Variants in PRDM16 observed in about 807,000 individuals in gnomAD.
The protein encoded by PRDM16 is histone-lysine N-methyltransferase PRDM16.
A neutral mutation model predicts 110.6 loss-of-function variants in PRDM16; 23 were observed. That is an observed-to-expected ratio of 0.21 (90% confidence interval 0.15 to 0.29). PRDM16 has a LOEUF of 0.29. Among genes scored for constraint, PRDM16 ranks in the 10% least tolerant of loss-of-function variants. The probability of loss-of-function intolerance (pLI) is 1.00; values close to 1 mark genes in which losing one functional copy is unlikely to be tolerated. For missense variants in PRDM16, 1,615 were observed against 1,794.3 expected (o/e 0.90, Z 1.81); for synonymous variants, 799 against 781.8 (o/e 1.02, Z -0.37).
At chr1:3,118,118 TGC>T (rs1362463673) in intron 1 of PRDM16, among the ~76,000 whole-genome samples, 18 of 150,770 alleles carry the variant, frequency 1.2e-4, no homozygotes, top group African/African-American at 4.2e-4. Flanking sequence ...TGTGTGCGTG[TGC>T]GTGTGTGCGT....
intron 3 of PRDM16, among the ~76,000 whole-genome samples, chr1:3,364,528 C>T (rs777026323): frequency 1.7e-4 from 26 of 152,316 alleles, no homozygotes; most frequent in Non-Finnish European, 3.5e-4. Context: ...TCCACTGAGC[C>T]GTCCACATCC....
intron 3 of PRDM16, among the ~76,000 whole-genome samples, chr1:3,268,109 T>C (rs1465256091): frequency 6.6e-6 from 1 of 152,072 alleles, no homozygotes; most frequent in African/African-American, 2.4e-5. Context: ...TGCACACACG[T>C]GGGAGCGTAC....
At chr1:3,325,581 C>T (rs985050068) in intron 3 of PRDM16, among the ~76,000 whole-genome samples, 1 of 152,206 alleles carries the variant, frequency 6.6e-6, no homozygotes, top group African/African-American at 2.4e-5. Context: ...AACAAAGTAC[C>T]AGAAACTAGG....
Position 3,283,891 on chromosome 1 carries a change from G to C in PRDM16, c.438+39754G>C, listed in dbSNP as rs927948680. Among the ~76,000 whole-genome samples, 5 of 152,270 alleles carry C rather than the reference G, an allele frequency of 3.3e-5. No homozygotes were observed. In the East Asian group the frequency reaches 9.6e-4, roughly 29 times the overall value. On this transcript the variant is annotated intron_variant, in intron 3 of 16. Transcript: ENST00000270722. Reference sequence around the variant, plus strand: ...AGCTAAGAGGTTAGGATCTGCAGGAGCCCAGGTGCCTCCGCGGGAGGAATG... The same window carrying C: ...AGCTAAGAGGTTAGGATCTGCAGGACCCCAGGTGCCTCCGCGGGAGGAATG...
chr1:3,242,648 G>A (rs1639701852), intron 2 of PRDM16, among the ~76,000 whole-genome samples: 1 of 152,238 alleles, frequency 6.6e-6, no homozygotes, highest in African/African-American at 2.4e-5. Flanking sequence ...CATTAGCGCA[G>A]GGTGACCCGG....
rs535306609 is a variant in PRDM16 at position 3,369,142 on chromosome 1, T to C, written c.439-16010T>C. Among the ~76,000 whole-genome samples, 5 of 152,294 alleles carry C rather than the reference T, an allele frequency of 3.3e-5. 1 individual carries two copies. The highest frequency in any genetic ancestry group is 1.2e-4 in the African/African-American group (5 of 41,562). ...CTCTTAATTCCTTTGATATATTTTGTCAAAGGTGACTAGCTGTAGGTACAG... is the reference window on the plus strand; with the variant it reads ...CTCTTAATTCCTTTGATATATTTTGCCAAAGGTGACTAGCTGTAGGTACAG... On this transcript the variant is annotated intron_variant, in intron 3 of 16. Coordinates refer to ENST00000270722, the MANE Select transcript of PRDM16 (RefSeq NM_022114.4).
At chr1:3,430,811 G>A in intron 14 of PRDM16, 61 bp from the exon 15 acceptor site, 1 of 1,584,246 alleles carries the variant, frequency 6.3e-7, no homozygotes, top group Non-Finnish European at 8.6e-7. Context: ...CCAGCCTTTG[G>A]GGGTCCATGG....
chr1:3,085,985 C>G (rs1458460086), intron 1 of PRDM16, among the ~76,000 whole-genome samples: 1 of 152,250 alleles, frequency 6.6e-6, no homozygotes, highest in East Asian at 1.9e-4. Context: ...CACCTGACCC[C>G]ATGCCCTGGT....
chr1:3,185,767 G>A (rs988077577), intron 1 of PRDM16, among the ~76,000 whole-genome samples: 3 of 152,218 alleles, frequency 2.0e-5, no homozygotes, highest in African/African-American at 4.8e-5. Flanking sequence ...GGCTTGCAAG[G>A]CACAGGCAGC....
At position 3,355,120 on chromosome 1, in the gene PRDM16, A is replaced by G. The variant is rs1458544700; in HGVS notation, c.439-30032A>G. 2.6e-5 allele frequency among the ~76,000 whole-genome samples: 4 copies of G among 152,120 alleles called. 1 individual carries two copies. The highest frequency in any genetic ancestry group is 2.6e-4 in the Admixed American group (4 of 15,282). On this transcript the variant is annotated intron_variant, in intron 3 of 16. Transcript: ENST00000270722. The stretch of plus-strand genomic sequence containing the variant: ...GCCTCTCGCCTTGAGACCAGGCCTC[A>G]TAGTGCTGAGGATTGGATCGTGGGC...
chr1:3,251,345 T>C (rs1639927668), intron 3 of PRDM16, among the ~76,000 whole-genome samples: 1 of 150,056 alleles, frequency 6.7e-6, no homozygotes, highest in Admixed American at 6.7e-5. Context: ...GAGGCACAGC[T>C]CTGGGTACCG....
chr1:3,207,774 C>G (rs1638787592), intron 2 of PRDM16: 2 of 152,236 alleles, frequency 1.3e-5, no homozygotes, highest in Admixed American at 1.3e-4. Context: ...AATAATTGCG[C>G]TCATCTGACT....
In PRDM16 at chr1:3,244,188, C is replaced by T; in HGVS notation, c.438+51C>T. On this transcript the variant is annotated intron_variant, in intron 3 of 16. Coordinates refer to ENST00000270722, the MANE Select transcript of PRDM16 (RefSeq NM_022114.4). This position sits in a 1 kb window ranked among gnomAD's most constrained non-coding sequence, Gnocchi z 4.1. ...TCAGCTCCCCAGCGTCCTCGGAGCT[C>T]CTGGCGGGGCGACCGCCATCCCAGC... 6.4e-7 allele frequency: 1 copy of T among 1,561,606 alleles called. No homozygotes were observed. Among genetic ancestry groups the T allele is most frequent in the Non-Finnish European group, 8.8e-7 (1 of 1,134,160 alleles).
At chr1:3,212,399 G>A (rs780978229) in intron 2 of PRDM16, among the ~76,000 whole-genome samples, 24 of 152,226 alleles carry the variant, frequency 1.6e-4, no homozygotes, top group African/African-American at 2.2e-4. Context: ...CTGCCTGAGC[G>A]GGGGCACCTT....
In PRDM16 at chr1:3,164,025, C is replaced by T. The variant is rs556854608; in HGVS notation, c.38-22100C>T. 6.6e-5 allele frequency among the ~76,000 whole-genome samples: 10 copies of T among 152,350 alleles called. No individual in the cohort carries two copies. The East Asian group carries it at 1.9e-3, about 29-fold the overall frequency. ...GGCCCTGCTGGAATGTTCCCTGATC[C>T]TCATCCAGCCAGCCACCCCTTCCCT... On this transcript the variant is annotated intron_variant, in intron 1 of 16. Coordinates refer to ENST00000270722, the MANE Select transcript of PRDM16 (RefSeq NM_022114.4).
chr1:3,115,664 G>A (rs1437808062), intron 1 of PRDM16, among the ~76,000 whole-genome samples: 1 of 152,108 alleles, frequency 6.6e-6, no homozygotes, highest in Non-Finnish European at 1.5e-5. Context: ...AGTGATGGGG[G>A]CAAAGGCCGG....
intron 1 of PRDM16, among the ~76,000 whole-genome samples, chr1:3,106,404 C>G (rs1373425801): frequency 1.3e-5 from 2 of 152,192 alleles, no homozygotes; most frequent in African/African-American, 4.8e-5. Flanking sequence ...GGTGGCCCCA[C>G]TGGGGCCCGA....
chr1:3,323,918 C>T (rs1194934950), intron 3 of PRDM16, among the ~76,000 whole-genome samples: 1 of 152,226 alleles, frequency 6.6e-6, no homozygotes, highest in African/African-American at 2.4e-5. Context: ...ACTCCACCAA[C>T]ATTGCGGGCA....
chr1:3,197,168 T>C (rs1031175387), intron 2 of PRDM16, among the ~76,000 whole-genome samples: 7 of 151,746 alleles, frequency 4.6e-5, no homozygotes, highest in Non-Finnish European at 4.4e-5. Flanking sequence ...CACCATCTCC[T>C]CCCCCTCCCA....
Sources: gnomAD v4.1 joint callset for allele counts (sites outside exome capture counted in the v4.1 genomes callset) on GRCh38, gnomAD v4.1.1 for gene constraint, Gnocchi (gnomAD v3.1) non-coding constraint, MANE v1.5 for transcripts, NCBI Gene and HGNC (gene_info 2026-07-23, HGNC 2026-07-21) for gene names.